Variants in RIMS1 observed in about 807,000 individuals in gnomAD.
RIMS1 encodes regulating synaptic membrane exocytosis protein 1.
A neutral mutation model predicts 214.1 loss-of-function variants in RIMS1; 83 were observed. The ratio of observed to expected loss-of-function variants is 0.39; its 90% CI spans 0.32 to 0.47. The LOEUF (loss-of-function observed/expected upper bound fraction) is 0.47. Ranked by LOEUF, RIMS1 falls within the 20% of genes least tolerant of loss-of-function variation. RIMS1 has a pLI of 0.99. For synonymous variants in RIMS1, 793 were observed against 786.8 expected (o/e 1.01, Z -0.13); for missense variants, 2,050 against 2,161.8 (o/e 0.95, Z 1.03).
At chr6:72,344,027 T>C (rs1594549747) in intron 29 of RIMS1, among the ~76,000 whole-genome samples, 1 of 151,848 alleles carries the variant, frequency 6.6e-6, no homozygotes, top group Non-Finnish European at 1.5e-5. Context: ...GAGTTCAAGG[T>C]ATTATTTTAA....
intron 1 of RIMS1, among the ~76,000 whole-genome samples, chr6:71,965,049 C>T (rs922733079): frequency 6.6e-6 from 1 of 152,012 alleles, no homozygotes; most frequent in Non-Finnish European, 1.5e-5. Flanking sequence ...CTCTTAGGAC[C>T]AATGTGGACC....
intron 22 of RIMS1, among the ~76,000 whole-genome samples, chr6:72,270,267 A>T (rs1241565348): frequency 6.6e-6 from 1 of 151,930 alleles, no homozygotes; most frequent in African/African-American, 2.4e-5. Context: ...ATTTAGTTTA[A>T]AACAATATTG....
At chr6:71,967,350 T>C (rs1057142583) in intron 1 of RIMS1, among the ~76,000 whole-genome samples, 1 of 151,832 alleles carries the variant, frequency 6.6e-6, no homozygotes. Context: ...ATTGCACCAC[T>C]GCACTCCATC....
chr6:72,203,671 G>A (rs1327624524), intron 6 of RIMS1, among the ~76,000 whole-genome samples: 1 of 152,152 alleles, frequency 6.6e-6, no homozygotes, highest in Non-Finnish European at 1.5e-5. Flanking sequence ...ATGTGCTGGA[G>A]TAGCACCAAA....
At chr6:72,379,078 G>A (rs532490111) in intron 29 of RIMS1, among the ~76,000 whole-genome samples, 1 of 152,274 alleles carries the variant, frequency 6.6e-6, no homozygotes, top group East Asian at 1.9e-4. Flanking sequence ...AGAACTGAGA[G>A]TATTCTTTAT....
At chr6:72,321,823 C>A (rs774581124) in intron 28 of RIMS1, among the ~76,000 whole-genome samples, 3 of 152,052 alleles carry the variant, frequency 2.0e-5, no homozygotes, top group Non-Finnish European at 4.4e-5. Context: ...TTATCCCCTT[C>A]TGGGGACAGT....
chr6:71,960,041 T>C (rs776948980), intron 1 of RIMS1, among the ~76,000 whole-genome samples: 7 of 152,176 alleles, frequency 4.6e-5, no homozygotes, highest in Non-Finnish European at 8.8e-5. Flanking sequence ...TTTTCCTGTT[T>C]TGTTGTTTAT....
chr6:72,275,510 T>A (rs2085911123), intron 23 of RIMS1, among the ~76,000 whole-genome samples: 1 of 152,218 alleles, frequency 6.6e-6, no homozygotes, highest in Non-Finnish European at 1.5e-5. Context: ...AAGGTTGTTT[T>A]ACAAATACTG....
At chr6:72,041,304 C>A (rs1585476592) in intron 2 of RIMS1, among the ~76,000 whole-genome samples, 1 of 151,838 alleles carries the variant, frequency 6.6e-6, no homozygotes, top group Non-Finnish European at 1.5e-5. Context: ...CCAATGCCAA[C>A]AAATTTTGTA....
intron 2 of RIMS1, among the ~76,000 whole-genome samples, chr6:72,054,396 T>A (rs1236840925): frequency 6.6e-6 from 1 of 152,218 alleles, no homozygotes; most frequent in East Asian, 1.9e-4. Flanking sequence ...TATGTGTGCA[T>A]GTGTCTTTAT....
chr6:72,396,955 G>A (rs1457294873), intron 31 of RIMS1, among the ~76,000 whole-genome samples: 1 of 152,140 alleles, frequency 6.6e-6, no homozygotes, highest in Non-Finnish European at 1.5e-5. Flanking sequence ...GGAGGTTACA[G>A]TGAGCCAAGA....
In RIMS1 at chr6:72,263,270, T is replaced by A. The variant is rs965560070; in HGVS notation, c.3117-1705T>A. On this transcript the variant is annotated intron_variant, in intron 19 of 33. Coordinates refer to ENST00000521978, the MANE Select transcript of RIMS1 (RefSeq NM_014989.7). ...CCCAAATTGTTTAATTTCCCAACCT[T>A]TTTTTAGTAAAACGTGTCTCGAGGA... is the stretch of plus-strand genomic sequence containing the variant. 6 of 985,096 alleles carry A rather than the reference T, an allele frequency of 6.1e-6. No individual in the cohort carries two copies. In the African/African-American group the frequency reaches 8.7e-5, roughly 14 times the overall value. The allele number at this position is 985,096 out of a possible 1,614,324, so 61.0% of individuals were successfully genotyped here.
chr6:72,241,634 T>A (rs941604765), intron 9 of RIMS1, among the ~76,000 whole-genome samples: 1 of 152,206 alleles, frequency 6.6e-6, no homozygotes, highest in African/African-American at 2.4e-5. Flanking sequence ...ACTTTAATGT[T>A]CACAATATAG....
intron 2 of RIMS1, among the ~76,000 whole-genome samples, chr6:71,974,272 T>C (rs1796611700): frequency 6.6e-6 from 1 of 151,970 alleles, no homozygotes; most frequent in Non-Finnish European, 1.5e-5. Flanking sequence ...TGTGTGTATG[T>C]GGTTTCGTGG....
chr6:72,250,220 T>C (rs2072553716), intron 12 of RIMS1, 110 bp from the exon 13 acceptor site: 1 of 990,672 alleles, frequency 1.0e-6, no homozygotes, highest in Non-Finnish European at 1.5e-6. Flanking sequence ...GTAATTGCAT[T>C]ATATTGTAAT....
intron 2 of RIMS1, among the ~76,000 whole-genome samples, chr6:72,076,617 G>C (rs1831953939): frequency 6.6e-6 from 1 of 152,212 alleles, no homozygotes; most frequent in Non-Finnish European, 1.5e-5. Context: ...GAGGGTTAAA[G>C]GAGGTAGAGT....
intron 31 of RIMS1, among the ~76,000 whole-genome samples, chr6:72,396,773 G>A (rs1222964050): frequency 1.3e-5 from 2 of 152,254 alleles, no homozygotes; most frequent in African/African-American, 2.4e-5. Flanking sequence ...AGCACTTTGG[G>A]AGGCCAAGGC....
chr6:72,387,886 A>T (rs2098639635), intron 29 of RIMS1, among the ~76,000 whole-genome samples: 1 of 152,226 alleles, frequency 6.6e-6, no homozygotes, highest in African/African-American at 2.4e-5. Context: ...ATCAATAAAG[A>T]GATGGTTTAA....
At chr6:72,154,399 T>G (rs546586333) in intron 4 of RIMS1, among the ~76,000 whole-genome samples, 1 of 140,570 alleles carries the variant, frequency 7.1e-6, no homozygotes, top group Non-Finnish European at 1.6e-5. Flanking sequence ...AAGATTCACC[T>G]GTCAAGGAAT....
Sources: allele counts gnomAD v4.1 joint callset (sites outside exome capture counted in the v4.1 genomes callset), GRCh38; gene constraint gnomAD v4.1.1; transcripts MANE v1.5; gene names NCBI Gene and HGNC (gene_info 2026-07-23, HGNC 2026-07-21).